The following AHCYL2 variants were observed in gnomAD, a reference collection of about 807,000 sequenced individuals.
AHCYL2 encodes the protein adenosylhomocysteinase like 2.
Under a neutral mutation model 81.4 loss-of-function variants are expected in AHCYL2, and 28 were observed. That is an observed-to-expected ratio of 0.34 (90% CI 0.25 to 0.47). The LOEUF is 0.47. AHCYL2 is among the 20% of genes least tolerant of loss of function. The probability of loss-of-function intolerance (pLI) is 1.00; values close to 1 mark genes in which losing one functional copy is unlikely to be tolerated. For synonymous variants in AHCYL2, 272 were observed against 290.2 expected (o/e 0.94, Z 0.64); for missense variants, 551 against 785.1 (o/e 0.70, Z 3.56).
intron 12 of AHCYL2, among the ~76,000 whole-genome samples, chr7:129,417,684 T>G (rs1796923344): frequency 6.6e-6 from 1 of 152,198 alleles, no homozygotes; most frequent in Admixed American, 6.5e-5. Flanking sequence ...CAACCTTTGG[T>G]GATAGTGTCA....
intron 4 of AHCYL2, among the ~76,000 whole-genome samples, chr7:129,394,723 G>A (rs62480639): frequency 6.6e-6 from 1 of 152,064 alleles, no homozygotes; most frequent in East Asian, 1.9e-4. Flanking sequence ...GGCCTTTACA[G>A]GCCTGAGCCA....
intron 1 of AHCYL2, among the ~76,000 whole-genome samples, chr7:129,226,304 G>A (rs1292594059): frequency 6.6e-6 from 1 of 152,164 alleles, no homozygotes; most frequent in Non-Finnish European, 1.5e-5. Flanking sequence ...TGATAGCCCT[G>A]TATTACCCGT....
chr7:129,278,993 G>A (rs1012134878), intron 1 of AHCYL2, among the ~76,000 whole-genome samples: 3 of 152,072 alleles, frequency 2.0e-5, no homozygotes, highest in Non-Finnish European at 2.9e-5. Flanking sequence ...AAAACTGATA[G>A]AGGTAGTCCT....
At position 129,389,056 on chromosome 7, in the gene AHCYL2, C is replaced by A; in HGVS notation, c.476C>A (p.Ala159Glu). The A allele has an allele frequency of 6.2e-7, 1 of 1,600,828 alleles. No individual in the cohort carries two copies. Among genetic ancestry groups the A allele is most frequent in the Non-Finnish European group, 8.5e-7 (1 of 1,176,780 alleles). Reference protein sequence around the residue: ...SQSSTDSYSSAASYTDSSDDE... With the variant: ...SQSSTDSYSSEASYTDSSDDE... ...AGTGTTTTTTATTCTGTCATTCCAG[C>A]GGCTTCATATACAGATAGCTCTGAT... The change falls in exon 3 of 17, where the codon GCG (alanine) becomes GAG (glutamate). Residue 159 changes from alanine to glutamate, a missense_variant and splice_region_variant. Coordinates refer to ENST00000325006, the MANE Select transcript of AHCYL2 (RefSeq NM_015328.4).
At chr7:129,362,659 T>C (rs1793976057) in intron 1 of AHCYL2, among the ~76,000 whole-genome samples, 1 of 148,530 alleles carries the variant, frequency 6.7e-6, no homozygotes, top group African/African-American at 2.5e-5. Flanking sequence ...TTGGAAATAG[T>C]GTTAGAACTG....
chr7:129,413,158 T>TG (rs1796675051), intron 11 of AHCYL2, among the ~76,000 whole-genome samples: 1 of 149,268 alleles, frequency 6.7e-6, no homozygotes, highest in African/African-American at 2.5e-5. Context: ...TTTTTTTTTT[T>TG]TGAGAAAGAG....
At chr7:129,413,517 A>G (rs1796697768) in intron 11 of AHCYL2, 77 bp from the exon 12 acceptor site, 2 of 1,125,314 alleles carry the variant, frequency 1.8e-6, no homozygotes, top group African/African-American at 1.5e-5. Flanking sequence ...CATCAGTTAT[A>G]TGATTTGCAC....
At chr7:129,316,806 G>A (rs906799233) in intron 1 of AHCYL2, among the ~76,000 whole-genome samples, 2 of 152,032 alleles carry the variant, frequency 1.3e-5, no homozygotes, top group African/African-American at 2.4e-5. Flanking sequence ...GGAGGAATTC[G>A]GCCAAATGTA....
intron 1 of AHCYL2, among the ~76,000 whole-genome samples, chr7:129,294,067 T>C (rs1404527874): frequency 2.6e-5 from 4 of 152,232 alleles, no homozygotes; most frequent in Admixed American, 1.3e-4. Flanking sequence ...AGTTATTTTG[T>C]AGAAAAAGAA....
chr7:129,283,574 T>C (rs1796524545), intron 1 of AHCYL2: 3 of 342,022 alleles, frequency 8.8e-6, no homozygotes, highest in South Asian at 7.2e-5. Context: ...AGAAATTTTC[T>C]AGACTTTAAA....
chr7:129,424,589 G>A, intron 13 of AHCYL2: 1 of 483,288 alleles, frequency 2.1e-6, no homozygotes, highest in South Asian at 2.3e-5. Context: ...TTCAAGAGAA[G>A]TACACTGATA....
chr7:129,295,013 TG>T (rs1797004974), intron 1 of AHCYL2, among the ~76,000 whole-genome samples: 1 of 152,246 alleles, frequency 6.6e-6, no homozygotes, highest in Non-Finnish European at 1.5e-5. Flanking sequence ...CTTGATGGAT[TG>T]GTACCATTCT....
At position 129,239,365 on chromosome 7, in the gene AHCYL2, G is replaced by A. The variant is rs553480022; in HGVS notation, c.363+13926G>A. Reference sequence around the variant, plus strand: ...ATATATCTGTCAGAACCTCAATTTTGTATTCGTTGTTGAGTAGATGTTGGC... The same window carrying A: ...ATATATCTGTCAGAACCTCAATTTTATATTCGTTGTTGAGTAGATGTTGGC... On this transcript the variant is annotated intron_variant, in intron 1 of 16. Transcript: ENST00000325006. 8.6e-5 allele frequency among the ~76,000 whole-genome samples: 13 copies of A among 151,786 alleles called. 1 individual carries two copies. Among genetic ancestry groups the A allele is most frequent in the African/African-American group, 3.1e-4 (13 of 41,374 alleles).
At chr7:129,375,920 G>T in intron 1 of AHCYL2, 1 of 1,536,134 alleles carries the variant, frequency 6.5e-7, no homozygotes, top group Non-Finnish European at 8.7e-7. Flanking sequence ...CTGGGATTAA[G>T]GCCCAGGTGA....
rs144233067 is a variant in AHCYL2, at chr7:129,225,830, A to G, written c.363+391A>G. Among the ~76,000 whole-genome samples the G allele has an allele frequency of 2.3e-4, 35 of 152,262 alleles. 1 individual carries two copies. The highest frequency in any genetic ancestry group is 1.0e-3 in the Admixed American group (16 of 15,298). On this transcript the variant is annotated intron_variant, in intron 1 of 16. Transcript: ENST00000325006. The stretch of plus-strand genomic sequence containing the variant: ...ACCGCTCACGGGAGTTCACACAGCA[A>G]TAAGGATGAAAAGATCTTTAATACT...
intron 1 of AHCYL2, among the ~76,000 whole-genome samples, chr7:129,230,174 C>T (rs1794376381): frequency 6.7e-6 from 1 of 149,566 alleles, no homozygotes; most frequent in African/African-American, 2.5e-5. Context: ...CCTCCGCCTC[C>T]TGGGTTCAAG....
At chr7:129,351,544 G>A (rs1793563096) in intron 1 of AHCYL2, 1 of 152,184 alleles carries the variant, frequency 6.6e-6, no homozygotes, top group Non-Finnish European at 1.5e-5. Context: ...CTGAATCAAA[G>A]GGAAAGGTGA....
At chr7:129,271,262 A>G (rs1277668631) in intron 1 of AHCYL2, among the ~76,000 whole-genome samples, 2 of 151,186 alleles carry the variant, frequency 1.3e-5, no homozygotes, top group Non-Finnish European at 2.9e-5. Flanking sequence ...TCGGGAGGCT[A>G]AGGCAGAAGA....
At position 129,427,824 on chromosome 7, in the gene AHCYL2, C is replaced by A. The variant is rs1797424108; in HGVS notation, c.*779C>A. On this transcript the variant is annotated 3_prime_UTR_variant, in exon 17 of 17. Transcript: ENST00000325006. This position sits in a 1 kb window ranked among gnomAD's most constrained non-coding sequence, Gnocchi z 5.5. ...GGAAGTGGGGCCAGCTCCACTGGGA[C>A]CCATAGTTTTACTTCCTTGTCATTT... 1 of 152,590 alleles carries A rather than the reference C, an allele frequency of 6.6e-6. No individual in the cohort carries two copies. The highest frequency in any genetic ancestry group is 6.5e-5 in the Admixed American group (1 of 15,276). 9.5% of individuals were successfully genotyped at this position (152,590 alleles called of 1,614,324 possible).
Sources: allele counts gnomAD v4.1 joint callset (sites outside exome capture counted in the v4.1 genomes callset), GRCh38; gene constraint gnomAD v4.1.1; non-coding constraint Gnocchi (gnomAD v3.1); transcripts MANE v1.5; gene names NCBI Gene and HGNC (gene_info 2026-07-23, HGNC 2026-07-21).